The following MND1 variants were observed in gnomAD, a reference collection of about 807,000 sequenced individuals.
MND1 encodes the protein meiotic nuclear division protein 1 homolog.
In MND1, 28 loss-of-function variants were observed where a neutral mutation model predicts 35.1. The ratio of observed to expected loss-of-function variants is 0.80; its 90% confidence interval spans 0.59 to 1.09. The LOEUF (loss-of-function observed/expected upper bound fraction) is 1.09. MND1 is among the 50% of genes least tolerant of loss of function. The pLI is 0.00. For missense variants in MND1, 213 were observed against 239.6 expected (o/e 0.89, Z 0.73); for synonymous variants, 69 against 70.5 (o/e 0.98, Z 0.11).
intron 6 of MND1, among the ~76,000 whole-genome samples, chr4:153,407,521 C>T (rs1729549408): frequency 6.6e-6 from 1 of 152,118 alleles, no homozygotes; most frequent in African/African-American, 2.4e-5. Context: ...TCTTAGATTG[C>T]TGGTGGTATT....
chr4:153,387,863 C>T (rs990789468), intron 4 of MND1, among the ~76,000 whole-genome samples: 8 of 150,360 alleles, frequency 5.3e-5, no homozygotes, highest in Middle Eastern at 3.4e-3. Context: ...ACATACTGCA[C>T]GAATTTTGAT....
At chr4:153,366,141 GC>G (rs1773631974) in intron 4 of MND1, among the ~76,000 whole-genome samples, 1 of 152,156 alleles carries the variant, frequency 6.6e-6, no homozygotes, top group Admixed American at 6.5e-5. Context: ...TCTAATTTCT[GC>G]CTCTTGGTCA....
intron 1 of MND1, chr4:153,345,527 T>C (rs1003333345): frequency 1.3e-4 from 128 of 985,334 alleles, no homozygotes; most frequent in Middle Eastern, 5.2e-4. Flanking sequence ...CTTTGTGAGC[T>C]TAACGTCTTT....
intron 1 of MND1, among the ~76,000 whole-genome samples, chr4:153,347,588 T>C (rs1773104499): frequency 6.6e-6 from 1 of 152,190 alleles, no homozygotes; most frequent in South Asian, 2.1e-4. Context: ...TTCAGTGTGC[T>C]GATACGGACA....
chr4:153,388,930 C>T (rs1026158862), intron 4 of MND1, among the ~76,000 whole-genome samples: 1 of 152,210 alleles, frequency 6.6e-6, no homozygotes, highest in African/African-American at 2.4e-5. Context: ...GGATGGTCCC[C>T]TACCCCATAG....
intron 5 of MND1, among the ~76,000 whole-genome samples, chr4:153,394,748 T>C (rs1260045198): frequency 2.6e-5 from 3 of 114,406 alleles, no homozygotes; most frequent in African/African-American, 7.6e-5. Context: ...TTTAAGACTC[T>C]TTTAAAAAAA....
chr4:153,410,678 A>C (rs186557214), intron 7 of MND1, among the ~76,000 whole-genome samples: 78 of 152,256 alleles, frequency 5.1e-4, no homozygotes, highest in African/African-American at 1.8e-3. Context: ...ATAGAAAGAA[A>C]GTTTGCTTTA....
At chr4:153,346,257 G>A (rs565273219) in intron 1 of MND1, among the ~76,000 whole-genome samples, 3 of 152,308 alleles carry the variant, frequency 2.0e-5, no homozygotes, top group African/African-American at 7.2e-5. Context: ...CAGCAGTGAT[G>A]TCTACTTAAT....
At chr4:153,395,200 C>T (rs1336006445) in intron 5 of MND1, among the ~76,000 whole-genome samples, 1 of 152,212 alleles carries the variant, frequency 6.6e-6, no homozygotes, top group Non-Finnish European at 1.5e-5. Flanking sequence ...GAAAAGTAAA[C>T]TCTGGGCATA....
intron 1 of MND1, among the ~76,000 whole-genome samples, chr4:153,347,023 G>A (rs1773091912): frequency 6.6e-6 from 1 of 152,126 alleles, no homozygotes; most frequent in Non-Finnish European, 1.5e-5. Flanking sequence ...AAATAAGTTG[G>A]AGGATTTAAA....
At chr4:153,382,522 AAAGT>A (rs1156237464) in intron 4 of MND1, among the ~76,000 whole-genome samples, 1 of 152,238 alleles carries the variant, frequency 6.6e-6, no homozygotes, top group East Asian at 1.9e-4. Context: ...CAGAAGTAGA[AAAGT>A]AAGAGTATTA....
At chr4:153,390,621 C>T (rs1399621075) in intron 4 of MND1, among the ~76,000 whole-genome samples, 2 of 151,948 alleles carry the variant, frequency 1.3e-5, no homozygotes, top group Non-Finnish European at 2.9e-5. Flanking sequence ...CCCAGGTGCA[C>T]TAATTGCTCG....
At chr4:153,406,379 G>A (rs966456020) in intron 6 of MND1, among the ~76,000 whole-genome samples, 4 of 151,828 alleles carry the variant, frequency 2.6e-5, no homozygotes, top group African/African-American at 4.8e-5. Context: ...AAAATTAGCC[G>A]GGTGTGGTGG....
intron 2 of MND1, among the ~76,000 whole-genome samples, 198 bp from the exon 3 acceptor site, chr4:153,355,453 AATG>A (rs1773316602): frequency 6.6e-6 from 1 of 152,162 alleles, no homozygotes; most frequent in Non-Finnish European, 1.5e-5. Context: ...AACACAAAGA[AATG>A]ATAAGTGTTT....
chr4:153,354,414 A>G (rs145308685), intron 2 of MND1, among the ~76,000 whole-genome samples: 1 of 152,348 alleles, frequency 6.6e-6, no homozygotes, highest in Non-Finnish European at 1.5e-5. Flanking sequence ...GTGTTTTCTT[A>G]AAGTGTCAGA....
At chr4:153,359,618 T>G (rs1773430054) in intron 4 of MND1, among the ~76,000 whole-genome samples, 3 of 152,176 alleles carry the variant, frequency 2.0e-5, no homozygotes. Context: ...TATCTGTTTT[T>G]GCATTCCCAA....
chr4:153,393,919 G>GTTTTTTTTTTTT (rs1360869360), intron 4 of MND1, among the ~76,000 whole-genome samples: 1 of 55,572 alleles, frequency 1.8e-5, no homozygotes, highest in African/African-American at 7.9e-5. Flanking sequence ...GTTTGACTTT[G>GTTTTTTTTTTTT]TTTTCTTTTT....
At chr4:153,363,195 C>G (rs2149636268) in intron 4 of MND1, among the ~76,000 whole-genome samples, 1 of 148,606 alleles carries the variant, frequency 6.7e-6, no homozygotes, top group Admixed American at 6.7e-5. Context: ...TTTTTCATTT[C>G]TGTCACCTGG....
At chr4:153,347,867 A>G (rs1428936294) in intron 1 of MND1, among the ~76,000 whole-genome samples, 1 of 152,068 alleles carries the variant, frequency 6.6e-6, no homozygotes, top group African/African-American at 2.4e-5. Flanking sequence ...TGTTAATGGC[A>G]AAGTTTGAGG....
Sources: gnomAD v4.1 joint callset for allele counts (sites outside exome capture counted in the v4.1 genomes callset) on GRCh38, gnomAD v4.1.1 for gene constraint, MANE v1.5 for transcripts, NCBI Gene and HGNC (gene_info 2026-07-23, HGNC 2026-07-21) for gene names.